The following ITGAD variants were observed in gnomAD, a reference collection of about 807,000 sequenced individuals.
ITGAD encodes the protein integrin subunit alpha D, also known as integrin alpha-D.
Under a neutral mutation model 139.0 loss-of-function variants are expected in ITGAD, and 105 were observed. The ratio of observed to expected loss-of-function variants is 0.76; its 90% CI spans 0.65 to 0.89. The LOEUF is 0.89. Among genes scored for constraint, ITGAD ranks in the 40% least tolerant of loss-of-function variants. The pLI is 0.00. For missense variants in ITGAD, 1,384 were observed against 1,487.3 expected, an observed-to-expected ratio of 0.93 and a Z score of 1.14; for synonymous variants, 569 against 598.3, an observed-to-expected ratio of 0.95 and a Z score of 0.71.
Position 31,406,097 on chromosome 16 carries a change from C to T in ITGAD, c.705-1418C>T, listed in dbSNP as rs184186360. 1.6e-4 allele frequency among the ~76,000 whole-genome samples: 24 copies of T among 149,272 alleles called. No homozygotes were observed. In the East Asian group the frequency reaches 1.8e-3, roughly 11 times the overall value. On this transcript the variant is annotated intron_variant, in intron 7 of 29. Transcript: ENST00000389202. ...CTTTTTTTTTTCTTTTTTTTTGAGA[C>T]GGAGTCTTGCTCTGTCGCCCAGGCT...
Position 31,402,100 on chromosome 16 carries a change from C to T in ITGAD, c.428-15C>T. On this transcript the variant is annotated splice_polypyrimidine_tract_variant and intron_variant, in intron 5 of 29. Transcript: ENST00000389202. ...CCCCGCAGTGCATCTCCGATTCCTC[C>T]CCATTCCCCCACAGAGTGTCCACAT... is the stretch of plus-strand genomic sequence containing the variant. The T allele has an allele frequency of 2.5e-6, 4 of 1,611,714 alleles. 1 individual carries two copies. In the South Asian group the frequency reaches 3.3e-5, roughly 13 times the overall value.
At position 31,416,225 on chromosome 16, in the gene ITGAD, A is replaced by G. The variant is rs1161936332; in HGVS notation, c.2296A>G (p.Lys766Glu). 7 of 1,606,366 alleles carry G rather than the reference A, an allele frequency of 4.4e-6. No homozygotes were observed. In the African/African-American group the frequency reaches 8.0e-5, roughly 18 times the overall value. ...DLFTASLPFE[K>E]NCGQDGLCEG... The stretch of plus-strand genomic sequence containing the variant: ...TATTTTGCTGCAGCTCCCCTTCGAG[A>G]AGAACTGTGGGCAAGATGGCCTCTG... Residue 766 changes from lysine (K) to glutamate (E), a missense_variant, in exon 19 of 30, where the codon AAG (lysine) becomes GAG (glutamate). Coordinates refer to ENST00000389202, the MANE Select transcript of ITGAD (RefSeq NM_005353.3).
At position 31,411,353 on chromosome 16, in the gene ITGAD, C is replaced by T; in HGVS notation, c.1543C>T (p.His515Tyr). Residue 515 changes from histidine to tyrosine, a missense_variant, in exon 14 of 30, where the codon CAC becomes TAC. By Grantham distance (83) the His-to-Tyr change is moderately conservative. Transcript: ENST00000389202. Reference sequence around the variant, plus strand: ...CGCTGTTCTCCGTGGTGAGCAGGGCCACCCCTGGGGCCGCTTTGGGGCAGC... The same window carrying T: ...CGCTGTTCTCCGTGGTGAGCAGGGCTACCCCTGGGGCCGCTTTGGGGCAGC... ...CDAVLRGEQG[H>Y]PWGRFGAALT... is the part of the protein sequence containing the mutation. 6.2e-7 allele frequency: 1 copy of T among 1,613,888 alleles called. No homozygotes were observed. Among genetic ancestry groups the T allele is most frequent in the Non-Finnish European group, 8.5e-7 (1 of 1,179,900 alleles).
At chr16:31,416,800 A>C (rs1024399697) in intron 20 of ITGAD, among the ~76,000 whole-genome samples, 154 bp downstream of exon 20, 1 of 152,116 alleles carries the variant, frequency 6.6e-6, no homozygotes. Flanking sequence ...AAGTGCATAA[A>C]GCATACATAC....
In ITGAD at chr16:31,410,391, C is replaced by T. The variant is rs761541317; in HGVS notation, c.1084-4C>T. 1 of 1,613,836 alleles carries T rather than the reference C, an allele frequency of 6.2e-7. No homozygotes were observed. The highest frequency in any genetic ancestry group is 2.2e-5 in the East Asian group (1 of 44,872). Reference sequence around the variant, plus strand: ...TGCCCAGCCCTGGAATTCTTTCCTCCCAGGATGGCCTCTTCCTGGGGGCTG... The same window carrying T: ...TGCCCAGCCCTGGAATTCTTTCCTCTCAGGATGGCCTCTTCCTGGGGGCTG... On this transcript the variant is annotated splice_region_variant and splice_polypyrimidine_tract_variant and intron_variant, in intron 10 of 29. Coordinates refer to ENST00000389202, the MANE Select transcript of ITGAD (RefSeq NM_005353.3).
intron 2 of ITGAD, among the ~76,000 whole-genome samples, chr16:31,395,349 C>T (rs2454911): frequency 0.11 from 16,806 of 151,876 alleles, 1,090 homozygotes; most frequent in South Asian, 0.16. Context: ...AAGGGAGATG[C>T]ACTGGGGGTT....
At chr16:31,408,369 T>C in intron 9 of ITGAD, 56 bp from the exon 10 acceptor site, 1 of 1,455,766 alleles carries the variant, frequency 6.9e-7, no homozygotes, top group Non-Finnish European at 9.6e-7. Flanking sequence ...CCCTGTGTTC[T>C]GAGTCCTCAT....
At chr16:31,413,999 C>T (rs905173342) in intron 16 of ITGAD, among the ~76,000 whole-genome samples, 11 of 152,140 alleles carry the variant, frequency 7.2e-5, no homozygotes, top group African/African-American at 2.7e-4. Flanking sequence ...TTGTGAGGTT[C>T]ATGAGAGTGG....
At position 31,418,390 on chromosome 16, in the gene ITGAD, G is replaced by A; in HGVS notation, c.2696+10G>A. 1 of 1,613,624 alleles carries A rather than the reference G, an allele frequency of 6.2e-7. No individual in the cohort carries two copies. Among genetic ancestry groups the A allele is most frequent in the Non-Finnish European group, 8.5e-7 (1 of 1,179,568 alleles). On this transcript the variant is annotated intron_variant, in intron 22 of 29. Coordinates refer to ENST00000389202, the MANE Select transcript of ITGAD (RefSeq NM_005353.3). The stretch of plus-strand genomic sequence containing the variant: ...GGGCCAGTGCAAGCAGGTGGGTCCA[G>A]GCCAGGGTATCCCCCACCCTCCATC...
chr16:31,419,598 G>A (rs2081967832), intron 23 of ITGAD, among the ~76,000 whole-genome samples: 2 of 151,988 alleles, frequency 1.3e-5, no homozygotes, highest in Admixed American at 6.6e-5. Context: ...ATCACCTGAG[G>A]TCAGGAGTTC....
intron 5 of ITGAD, among the ~76,000 whole-genome samples, chr16:31,398,658 T>A (rs1025193091): frequency 4.0e-5 from 6 of 151,700 alleles, no homozygotes; most frequent in South Asian, 2.1e-4. Flanking sequence ...TTAAAAAAAA[T>A]GTTTTTGTAG....
chr16:31,421,703 C>A (rs1597162208), intron 23 of ITGAD, among the ~76,000 whole-genome samples: 1 of 152,154 alleles, frequency 6.6e-6, no homozygotes, highest in East Asian at 1.9e-4. Flanking sequence ...CGGTTTGCAT[C>A]CCCATTTTAA....
chr16:31,426,140 C>A lies in ITGAD; in HGVS notation c.*12C>A. ...TGCCTTTGTCCTAATAATCCACTTT[C>A]CTGTTTATCTCTACCACTGTGGGCT... is the stretch of plus-strand genomic sequence containing the variant. On this transcript the variant is annotated 3_prime_UTR_variant, in exon 30 of 30. Coordinates refer to ENST00000389202, the MANE Select transcript of ITGAD (RefSeq NM_005353.3). 1.3e-6 allele frequency: 2 copies of A among 1,538,726 alleles called. No individual in the cohort carries two copies. Among genetic ancestry groups the A allele is most frequent in the Non-Finnish European group, 1.8e-6 (2 of 1,112,622 alleles).
At chr16:31,425,578 C>T (rs1048557076) in intron 29 of ITGAD, among the ~76,000 whole-genome samples, 1 of 152,184 alleles carries the variant, frequency 6.6e-6, no homozygotes, top group African/African-American at 2.4e-5. Flanking sequence ...CGTAAGTTAG[C>T]TTAGTTGTTG....
intron 9 of ITGAD, 28 bp from the exon 10 acceptor site, chr16:31,408,397 G>A (rs983124932): frequency 6.2e-7 from 1 of 1,604,652 alleles, no homozygotes; most frequent in Non-Finnish European, 8.5e-7. Flanking sequence ...ATGGCTTCTA[G>A]GAACTTCACT....
intron 23 of ITGAD, among the ~76,000 whole-genome samples, chr16:31,421,888 T>C (rs527924364): frequency 6.6e-6 from 1 of 152,298 alleles, no homozygotes; most frequent in Non-Finnish European, 1.5e-5. Context: ...CTGGTCTGGC[T>C]GCTGCATGCG....
intron 17 of ITGAD, 43 bp downstream of exon 17, chr16:31,414,648 C>G: frequency 1.9e-6 from 3 of 1,610,668 alleles, no homozygotes; most frequent in Non-Finnish European, 2.5e-6. Context: ...AGGAGGAGCC[C>G]AAGGCTGGCC....
At chr16:31,414,342 A>G (rs531514614) in intron 16 of ITGAD, 109 bp from the exon 17 acceptor site, 16 of 1,184,934 alleles carry the variant, frequency 1.4e-5, no homozygotes, top group Non-Finnish European at 1.9e-5. Flanking sequence ...GGTACAGTTC[A>G]TGGCCCATAG....
At chr16:31,419,270 C>A (rs982358658) in intron 23 of ITGAD, among the ~76,000 whole-genome samples, 1 of 151,674 alleles carries the variant, frequency 6.6e-6, no homozygotes, top group Non-Finnish European at 1.5e-5. Flanking sequence ...AAAATTATAA[C>A]GGAGTTGAAA....
Sources: allele counts gnomAD v4.1 joint callset (sites outside exome capture counted in the v4.1 genomes callset), GRCh38; gene constraint gnomAD v4.1.1; transcripts MANE v1.5; gene names NCBI Gene and HGNC (gene_info 2026-07-23, HGNC 2026-07-21).